CLTB: variants seen among roughly 807,000 people sequenced by gnomAD.
CLTB encodes the protein clathrin light chain B.
CLTB carries 10 observed loss-of-function variants against 30.5 expected under a neutral mutation model. The ratio of observed to expected loss-of-function variants is 0.33; its 90% CI spans 0.20 to 0.56. The LOEUF is 0.56. CLTB is among the 20% of genes least tolerant of loss of function. The pLI, the probability that CLTB is intolerant of heterozygous loss-of-function variation, is 0.91. For missense variants in CLTB, 261 were observed against 308.3 expected (o/e 0.85, Z 1.15); for synonymous variants, 102 against 120.3 (o/e 0.85, Z 1.00).
chr5:176,397,049 G>C (rs1041032515), intron 4 of CLTB, among the ~76,000 whole-genome samples: 3 of 151,876 alleles, frequency 2.0e-5, no homozygotes, highest in African/African-American at 7.3e-5. Context: ...CATGGCCTTC[G>C]TGCAGAGGGC....
At chr5:176,413,120 C>T (rs764055812) in intron 1 of CLTB, among the ~76,000 whole-genome samples, 2 of 152,176 alleles carry the variant, frequency 1.3e-5, no homozygotes, top group Non-Finnish European at 2.9e-5. Flanking sequence ...CACAGCATTC[C>T]AAGTACCTGT....
At chr5:176,406,989 A>T (rs1031459114) in intron 2 of CLTB, among the ~76,000 whole-genome samples, 1 of 151,954 alleles carries the variant, frequency 6.6e-6, no homozygotes, top group African/African-American at 2.4e-5. Flanking sequence ...CTCATCTGTG[A>T]CCCTGCCCTG....
Position 176,392,905 on chromosome 5 carries a change from TCTC to T in CLTB, c.556_558del (p.Glu186del). 1.2e-6 allele frequency: 2 copies of T among 1,614,114 alleles called. No homozygotes were observed. Among genetic ancestry groups the T allele is most frequent in the Non-Finnish European group, 1.7e-6 (2 of 1,180,008 alleles). ...ACCTTCTCCCACTCTGTGCCTGGGG[TCTC>T]CTCCTTGGATTCCTTCACGAAAGCC... is the stretch of plus-strand genomic sequence containing the variant. On this transcript the variant is annotated inframe_deletion, in exon 6 of 6. Transcript: ENST00000310418. The surrounding 1 kb of genome is among the most constrained non-coding windows in gnomAD (Gnocchi z 5.2).
chr5:176,415,389 G>A (rs1025335943), intron 1 of CLTB, among the ~76,000 whole-genome samples: 1 of 152,146 alleles, frequency 6.6e-6, no homozygotes, highest in South Asian at 2.1e-4. Flanking sequence ...ACAGGAACAG[G>A]TTTAAATTCA....
chr5:176,415,653 C>G (rs1757655761), intron 1 of CLTB, among the ~76,000 whole-genome samples: 1 of 152,260 alleles, frequency 6.6e-6, no homozygotes, highest in Admixed American at 6.5e-5. Flanking sequence ...GGTTCAATCA[C>G]GTGTATGAAG....
chr5:176,392,715 G>A lies in CLTB; in HGVS notation c.*59C>T. 1.3e-6 allele frequency: 2 copies of A among 1,587,048 alleles called. No individual in the cohort carries two copies. Among genetic ancestry groups the A allele is most frequent in the Non-Finnish European group, 1.7e-6 (2 of 1,160,164 alleles). ...GCGAGTCTCCACCCCGACCAAAGCAGCTGCTCCTCCTGTGCCCAGGCCCAG... is the reference window on the plus strand; with the variant it reads ...GCGAGTCTCCACCCCGACCAAAGCAACTGCTCCTCCTGTGCCCAGGCCCAG... On this transcript the variant is annotated 3_prime_UTR_variant, in exon 6 of 6. Transcript: ENST00000310418. The surrounding 1 kb of genome is among the most constrained non-coding windows in gnomAD (Gnocchi z 5.2).
Position 176,393,720 on chromosome 5 carries a change from C to T in CLTB, c.519-775G>A, listed in dbSNP as rs947489784. 1.8e-4 allele frequency among the ~76,000 whole-genome samples: 28 copies of T among 152,154 alleles called. No homozygotes were observed. Among genetic ancestry groups the T allele is most frequent in the Non-Finnish European group, 1.3e-4 (9 of 68,030 alleles). On this transcript the variant is annotated intron_variant, in intron 5 of 5. Coordinates refer to ENST00000310418, the MANE Select transcript of CLTB (RefSeq NM_007097.5). The surrounding 1 kb of genome is among the most constrained non-coding windows in gnomAD (Gnocchi z 4.4). The stretch of plus-strand genomic sequence containing the variant: ...GGAATCAAGTTAGGATGAAAACTGG[C>T]GGTCCTTCATCAGAAGTTCTGGTTG...
intron 2 of CLTB, chr5:176,406,119 C>CA: frequency 1.1e-5 from 11 of 982,936 alleles, no homozygotes; most frequent in Non-Finnish European, 1.2e-5. Flanking sequence ...TTGCCAGTGA[C>CA]AGTGTCACGG....
chr5:176,407,334 C>T (rs1757184853), intron 2 of CLTB, among the ~76,000 whole-genome samples: 1 of 152,158 alleles, frequency 6.6e-6, no homozygotes, highest in Non-Finnish European at 1.5e-5. Context: ...GAGACAAAGT[C>T]TCGCTCTGTC....
chr5:176,404,149 G>T (rs1756979563), intron 2 of CLTB, among the ~76,000 whole-genome samples: 1 of 152,224 alleles, frequency 6.6e-6, no homozygotes, highest in Non-Finnish European at 1.5e-5. Context: ...GATTCAAACT[G>T]AATTGCTGGG....
At chr5:176,403,943 AG>A (rs944030326) in intron 2 of CLTB, among the ~76,000 whole-genome samples, 19 of 151,770 alleles carry the variant, frequency 1.3e-4, no homozygotes, top group South Asian at 4.2e-4. Context: ...TATTTTTAGT[AG>A]AGACAGGGTT....
chr5:176,412,939 C>T (rs983958417), intron 1 of CLTB, among the ~76,000 whole-genome samples: 16 of 152,110 alleles, frequency 1.1e-4, no homozygotes, highest in African/African-American at 3.9e-4. Context: ...TTGGCCTTCT[C>T]GAGAATTTGC....
Position 176,392,719 on chromosome 5 carries a change from C to T in CLTB, c.*55G>A, listed in dbSNP as rs1756311956. The T allele has an allele frequency of 8.2e-6, 13 of 1,592,776 alleles. No homozygotes were observed. In the South Asian group the frequency reaches 1.3e-4, roughly 16 times the overall value. ...GTCTCCACCCCGACCAAAGCAGCTGCTCCTCCTGTGCCCAGGCCCAGCCCA... is the reference window on the plus strand; with the variant it reads ...GTCTCCACCCCGACCAAAGCAGCTGTTCCTCCTGTGCCCAGGCCCAGCCCA... On this transcript the variant is annotated 3_prime_UTR_variant, in exon 6 of 6. Coordinates refer to ENST00000310418, the MANE Select transcript of CLTB (RefSeq NM_007097.5). This position sits in a 1 kb window ranked among gnomAD's most constrained non-coding sequence, Gnocchi z 5.2.
At position 176,392,648 on chromosome 5, in the gene CLTB, G is replaced by A. The variant is rs1396680469; in HGVS notation, c.*126C>T. 6 of 1,125,106 alleles carry A rather than the reference G, an allele frequency of 5.3e-6. No individual in the cohort carries two copies. The African/African-American group carries it at 9.2e-5, about 17-fold the overall frequency. 69.7% of individuals were successfully genotyped at this position (1,125,106 alleles called of 1,614,324 possible). On this transcript the variant is annotated 3_prime_UTR_variant, in exon 6 of 6. Coordinates refer to ENST00000310418, the MANE Select transcript of CLTB (RefSeq NM_007097.5). This position sits in a 1 kb window ranked among gnomAD's most constrained non-coding sequence, Gnocchi z 5.2. ...GGTGAGGGCCCCCCTCCCAGCGCCT[G>A]GAGATGGGGAGGAGTGGAATAGGCT...
Position 176,393,066 on chromosome 5 carries a change from C to A in CLTB, c.519-121G>T. On this transcript the variant is annotated intron_variant, in intron 5 of 5. Coordinates refer to ENST00000310418, the MANE Select transcript of CLTB (RefSeq NM_007097.5). The surrounding 1 kb of genome is among the most constrained non-coding windows in gnomAD (Gnocchi z 4.4). Reference sequence around the variant, plus strand: ...TGTGTCCTCCCCAGCCTTGTGCCCCCCTGACTTCAGAGGAGGGCAGCCTTG... The same window carrying A: ...TGTGTCCTCCCCAGCCTTGTGCCCCACTGACTTCAGAGGAGGGCAGCCTTG... 8.7e-7 allele frequency: 1 copy of A among 1,148,186 alleles called. No homozygotes were observed. Among genetic ancestry groups the A allele is most frequent in the Non-Finnish European group, 1.3e-6 (1 of 784,872 alleles). The allele number at this position is 1,148,186 out of a possible 1,614,324, so 71.1% of individuals were successfully genotyped here. A position where few individuals can be genotyped will look rare whatever the true frequency, so the allele number is the denominator to read the frequency against.
chr5:176,399,704 G>A (rs1325372550), intron 2 of CLTB, among the ~76,000 whole-genome samples: 5 of 149,372 alleles, frequency 3.3e-5, no homozygotes, highest in Middle Eastern at 3.8e-3. Flanking sequence ...GACCAGCCTG[G>A]CCAACATGGC....
chr5:176,394,597 C>A (rs185113496), intron 5 of CLTB, among the ~76,000 whole-genome samples: 3 of 147,846 alleles, frequency 2.0e-5, no homozygotes, highest in East Asian at 1.9e-4. Context: ...GTGGGCGGAT[C>A]ACGAGGTCAG....
intron 2 of CLTB, among the ~76,000 whole-genome samples, chr5:176,404,959 C>T (rs893027996): frequency 6.6e-6 from 1 of 152,200 alleles, no homozygotes; most frequent in Non-Finnish European, 1.5e-5. Context: ...AGTTTTACCT[C>T]TTACTAGCTA....
chr5:176,410,211 C>G (rs767918040), intron 2 of CLTB, 46 bp downstream of exon 2: 17 of 1,557,702 alleles, frequency 1.1e-5, no homozygotes, highest in African/African-American at 2.7e-5. Flanking sequence ...GTTACTGAGA[C>G]CAGGGCTGTT....
Sources: allele counts gnomAD v4.1 joint callset (sites outside exome capture counted in the v4.1 genomes callset), GRCh38; gene constraint gnomAD v4.1.1; non-coding constraint Gnocchi (gnomAD v3.1); transcripts MANE v1.5; gene names NCBI Gene and HGNC (gene_info 2026-07-23, HGNC 2026-07-21).